The following TACC2 variants were observed in gnomAD, a reference collection of about 807,000 sequenced individuals.
The protein encoded by TACC2 is transforming acidic coiled-coil containing protein 2.
Under a neutral mutation model 227.3 loss-of-function variants are expected in TACC2, and 137 were observed. The ratio of observed to expected loss-of-function variants is 0.60; its 90% confidence interval spans 0.52 to 0.69. The LOEUF (loss-of-function observed/expected upper bound fraction) is 0.69. Ranked by LOEUF, TACC2 falls within the 30% of genes least tolerant of loss-of-function variation. The pLI, the probability that TACC2 is intolerant of heterozygous loss-of-function variation, is 0.00. For synonymous variants in TACC2, 1,523 were observed against 1,487.5 expected (o/e 1.02, Z -0.55); for missense variants, 3,470 against 3,694.4 (o/e 0.94, Z 1.57).
chr10:122,019,119 T>C (rs888487268), intron 1 of TACC2, among the ~76,000 whole-genome samples: 2 of 152,190 alleles, frequency 1.3e-5, no homozygotes, highest in African/African-American at 4.8e-5. Context: ...CGGAGGGTCT[T>C]TGGGTCGGTA....
chr10:122,017,850 GA>G (rs1956865226), intron 1 of TACC2, among the ~76,000 whole-genome samples: 2 of 129,552 alleles, frequency 1.5e-5, no homozygotes, highest in East Asian at 2.3e-4. Flanking sequence ...ACAAAGAAAA[GA>G]AAAAGAAAAA....
chr10:122,021,847 T>G, intron 1 of TACC2, 90 bp from the exon 2 acceptor site: 1 of 717,592 alleles, frequency 1.4e-6, no homozygotes, highest in East Asian at 2.7e-5. Flanking sequence ...TCCCATCATC[T>G]GGCTTTTGAG....
At position 122,087,176 on chromosome 10, in the gene TACC2, G is replaced by A; in HGVS notation, c.4676G>A (p.Gly1559Asp). 3.1e-6 allele frequency: 5 copies of A among 1,611,588 alleles called. No individual in the cohort carries two copies. Among genetic ancestry groups the A allele is most frequent in the Non-Finnish European group, 4.2e-6 (5 of 1,179,232 alleles). ...AGGAGCAGGCAGGAATTAGCTTCAG[G>A]TCTTCCTTCACCAGCAGCTACTCAG... ...LERSRQELAS[G>D]LPSPAATQEL... Residue 1559 changes from glycine to aspartate, a missense_variant, in exon 4 of 23, where the codon GGT becomes GAT. Gly to Asp is a moderately conservative substitution (Grantham distance 94). Coordinates refer to ENST00000369005, the MANE Select transcript of TACC2 (RefSeq NM_206862.4).
intron 1 of TACC2, among the ~76,000 whole-genome samples, chr10:122,000,978 A>G (rs1954242882): frequency 6.6e-6 from 1 of 152,082 alleles, no homozygotes; most frequent in Admixed American, 6.6e-5. Flanking sequence ...ATGCGCCACC[A>G]TGCCCAGCTA....
intron 6 of TACC2, among the ~76,000 whole-genome samples, chr10:122,143,071 C>T (rs2090869513): frequency 6.6e-6 from 1 of 152,210 alleles, no homozygotes. Flanking sequence ...ACACGGGTGG[C>T]CCAACTGGTC....
intron 1 of TACC2, among the ~76,000 whole-genome samples, chr10:122,009,733 C>T (rs1955688598): frequency 6.6e-6 from 1 of 152,060 alleles, no homozygotes; most frequent in Non-Finnish European, 1.5e-5. Flanking sequence ...TGAGACCATC[C>T]TGGCCAACTT....
At chr10:122,195,327 C>G in intron 8 of TACC2, 151 bp downstream of exon 8, 1 of 660,020 alleles carries the variant, frequency 1.5e-6, no homozygotes, top group South Asian at 2.6e-5. Flanking sequence ...TTGTAGTTTT[C>G]TTGAAAATGA....
intron 5 of TACC2, among the ~76,000 whole-genome samples, chr10:122,104,252 C>G (rs2082491800): frequency 1.3e-5 from 2 of 152,196 alleles, no homozygotes; most frequent in South Asian, 4.1e-4. Flanking sequence ...TCACCAGTGT[C>G]AATCATTCAT....
At chr10:122,044,109 G>A (rs771680468) in intron 2 of TACC2, among the ~76,000 whole-genome samples, 43 of 152,210 alleles carry the variant, frequency 2.8e-4, no homozygotes, top group Non-Finnish European at 5.0e-4. Flanking sequence ...TTTAAAGGAA[G>A]AGTGAGGACT....
chr10:122,192,447 C>T (rs1211315580), intron 7 of TACC2: 2 of 327,124 alleles, frequency 6.1e-6, no homozygotes, highest in Non-Finnish European at 1.2e-5. Flanking sequence ...CTGCTGTCGC[C>T]AGTGCCCAGG....
chr10:121,998,703 T>G (rs2135008215), intron 1 of TACC2, among the ~76,000 whole-genome samples: 1 of 152,264 alleles, frequency 6.6e-6, no homozygotes, highest in East Asian at 1.9e-4. Context: ...AGCTCTGTGC[T>G]GGATCGGGTG....
chr10:122,204,786 C>T (rs920191533), intron 8 of TACC2, among the ~76,000 whole-genome samples: 1 of 151,662 alleles, frequency 6.6e-6, no homozygotes, highest in African/African-American at 2.4e-5. Context: ...GATAACGCCA[C>T]TGCACTGCAG....
chr10:122,254,167 A>G lies in TACC2; in HGVS notation c.*111A>G. On this transcript the variant is annotated 3_prime_UTR_variant, in exon 23 of 23. Coordinates refer to ENST00000369005, the MANE Select transcript of TACC2 (RefSeq NM_206862.4). Reference sequence around the variant, plus strand: ...CTGTTTTCACTTTTTCGTATGCACTACTGTATTTCCTTTCTAAATAAAATT... The same window carrying G: ...CTGTTTTCACTTTTTCGTATGCACTGCTGTATTTCCTTTCTAAATAAAATT... 1 of 849,216 alleles carries G rather than the reference A, an allele frequency of 1.2e-6. No homozygotes were observed. The highest frequency in any genetic ancestry group is 1.7e-5 in the Admixed American group (1 of 57,156). 52.6% of individuals were successfully genotyped at this position (849,216 alleles called of 1,614,324 possible).
At chr10:122,153,685 C>T (rs759480609) in intron 7 of TACC2, among the ~76,000 whole-genome samples, 4 of 152,186 alleles carry the variant, frequency 2.6e-5, no homozygotes, top group Non-Finnish European at 5.9e-5. Context: ...TGCAGTGCCT[C>T]GGGCTTTTTC....
chr10:122,237,541 A>G lies in TACC2; in HGVS notation c.8271+3A>G, dbSNP rs919716937. 7 of 1,610,320 alleles carry G rather than the reference A, an allele frequency of 4.3e-6. No homozygotes were observed. Among genetic ancestry groups the G allele is most frequent in the Non-Finnish European group, 5.9e-6 (7 of 1,178,000 alleles). ...CCCTCCAGATCGCCAGAGCAGAGGT[A>G]TCGTGGCATGTGGTGTAATTACCCT... On this transcript the variant is annotated splice_donor_region_variant and intron_variant, in intron 17 of 22. Transcript: ENST00000369005.
chr10:122,226,241 C>A, intron 12 of TACC2, 125 bp from the exon 13 acceptor site: 1 of 681,732 alleles, frequency 1.5e-6, no homozygotes, highest in Non-Finnish European at 2.6e-6. Flanking sequence ...CTGGTGGCTC[C>A]AGAACAATGA....
intron 5 of TACC2, among the ~76,000 whole-genome samples, chr10:122,097,182 A>T (rs1362791536): frequency 6.6e-6 from 1 of 151,734 alleles, no homozygotes; most frequent in Non-Finnish European, 1.5e-5. Flanking sequence ...AAGAAAAATT[A>T]GCGTGGTGTG....
intron 10 of TACC2, 55 bp downstream of exon 10, chr10:122,215,506 T>C (rs1263043403): frequency 6.9e-7 from 1 of 1,457,960 alleles, no homozygotes; most frequent in Non-Finnish European, 9.6e-7. Flanking sequence ...GGAGGTTTTC[T>C]TCGCTTGTTG....
intron 9 of TACC2, among the ~76,000 whole-genome samples, chr10:122,214,728 A>G (rs139905390): frequency 6.6e-6 from 1 of 152,112 alleles, no homozygotes; most frequent in African/African-American, 2.4e-5. Flanking sequence ...CCCGCTATTC[A>G]TATGGAGGAG....
Sources: gnomAD v4.1 joint callset for allele counts (sites outside exome capture counted in the v4.1 genomes callset) on GRCh38, gnomAD v4.1.1 for gene constraint, MANE v1.5 for transcripts, NCBI Gene and HGNC (gene_info 2026-07-23, HGNC 2026-07-21) for gene names.